CLSTN2: variants seen among roughly 807,000 people sequenced by gnomAD.
CLSTN2 encodes calsyntenin 2, also known as calsyntenin-2.
Under a neutral mutation model 101.2 loss-of-function variants are expected in CLSTN2, and 48 were observed. The observed-to-expected ratio is 0.47, with a 90% CI of 0.38 to 0.60. The LOEUF is 0.60. CLSTN2 is among the 20% of genes least tolerant of loss of function. The pLI is 0.00. For synonymous variants in CLSTN2, 481 were observed against 463.6 expected, an observed-to-expected ratio of 1.04 and a Z score of -0.48; for missense variants, 1,160 against 1,238.2, an observed-to-expected ratio of 0.94 and a Z score of 0.95.
chr3:140,163,419 T>TACACAC (rs60464575), intron 1 of CLSTN2, among the ~76,000 whole-genome samples: 9,497 of 145,078 alleles, frequency 0.065, 1,010 homozygotes, highest in African/African-American at 0.22. Flanking sequence ...TTTCTATCTC[T>TACACAC]ACACACACAC....
At chr3:140,337,079 C>T (rs968149311) in intron 2 of CLSTN2, among the ~76,000 whole-genome samples, 2 of 152,178 alleles carry the variant, frequency 1.3e-5, no homozygotes, top group Non-Finnish European at 2.9e-5. Flanking sequence ...ATCCAGATTT[C>T]AGGAATGTGG....
intron 2 of CLSTN2, among the ~76,000 whole-genome samples, chr3:140,213,806 A>T (rs2010888052): frequency 6.6e-6 from 1 of 152,114 alleles, no homozygotes; most frequent in Non-Finnish European, 1.5e-5. Flanking sequence ...TGGCTTCAGT[A>T]AGATTGGGGC....
intron 8 of CLSTN2, chr3:140,507,376 G>A (rs1352769604): frequency 2.0e-5 from 3 of 152,206 alleles, no homozygotes; most frequent in Non-Finnish European, 4.4e-5. Flanking sequence ...AACCTGAGGG[G>A]TCGGGTTCCA....
intron 1 of CLSTN2, among the ~76,000 whole-genome samples, chr3:140,134,608 G>T (rs752374610): frequency 6.6e-6 from 1 of 152,184 alleles, no homozygotes; most frequent in Non-Finnish European, 1.5e-5. Context: ...TGGACATAGG[G>T]AGTTACCACA....
rs1019236782 is a variant in CLSTN2 at position 140,058,307 on chromosome 3, A to G, written c.110-117644A>G. ...GTGAAATTCTCAAGGGAAAGCCCTCATCTGGCCTAGTAATATTGGAACTGG... is the reference window on the plus strand; with the variant it reads ...GTGAAATTCTCAAGGGAAAGCCCTCGTCTGGCCTAGTAATATTGGAACTGG... On this transcript the variant is annotated intron_variant, in intron 1 of 16. Coordinates refer to ENST00000458420, the MANE Select transcript of CLSTN2 (RefSeq NM_022131.3). Among the ~76,000 whole-genome samples, 6 of 152,280 alleles carry G rather than the reference A, an allele frequency of 3.9e-5. No individual in the cohort carries two copies. The South Asian group carries it at 1.2e-3, about 32-fold the overall frequency.
chr3:140,309,612 G>A (rs2087145859), intron 2 of CLSTN2, among the ~76,000 whole-genome samples: 1 of 152,090 alleles, frequency 6.6e-6, no homozygotes, highest in Non-Finnish European at 1.5e-5. Context: ...CAGCAGACCT[G>A]CTGGGCACAG....
chr3:139,949,008 G>A (rs1262783866), intron 1 of CLSTN2, among the ~76,000 whole-genome samples: 1 of 152,130 alleles, frequency 6.6e-6, no homozygotes, highest in Non-Finnish European at 1.5e-5. Context: ...GCCTGGAGGA[G>A]TTTTCCTGTG....
intron 8 of CLSTN2, among the ~76,000 whole-genome samples, chr3:140,494,275 C>A (rs945722072): frequency 2.0e-5 from 3 of 152,052 alleles, no homozygotes; most frequent in African/African-American, 7.2e-5. Context: ...AAAAGCAAAG[C>A]CCAGTGCAAA....
At chr3:140,505,307 G>T (rs1157363206) in intron 8 of CLSTN2, among the ~76,000 whole-genome samples, 2 of 152,164 alleles carry the variant, frequency 1.3e-5, no homozygotes, top group Non-Finnish European at 2.9e-5. Flanking sequence ...ACCAGAACAA[G>T]ATTGGTCTGG....
At chr3:139,956,461 G>A (rs1935404046) in intron 1 of CLSTN2, among the ~76,000 whole-genome samples, 1 of 152,134 alleles carries the variant, frequency 6.6e-6, no homozygotes, top group African/African-American at 2.4e-5. Context: ...GGCTTGGGTC[G>A]ATGGAGAACA....
chr3:140,402,173 A>G (rs910757762), intron 2 of CLSTN2, among the ~76,000 whole-genome samples: 8 of 152,216 alleles, frequency 5.3e-5, no homozygotes, highest in African/African-American at 1.7e-4. Flanking sequence ...AGATCATGGC[A>G]TGATTCCTAT....
At chr3:140,220,808 T>C (rs1256004548) in intron 2 of CLSTN2, among the ~76,000 whole-genome samples, 20 of 152,224 alleles carry the variant, frequency 1.3e-4, no homozygotes, top group Non-Finnish European at 2.9e-5. Flanking sequence ...GCAGTTTTCA[T>C]GCAGAGAAGG....
Position 140,110,344 on chromosome 3 carries a change from A to G in CLSTN2, c.110-65607A>G, listed in dbSNP as rs2009133578. Among the ~76,000 whole-genome samples, 3 of 152,344 alleles carry G rather than the reference A, an allele frequency of 2.0e-5. No homozygotes were observed. The South Asian group carries it at 6.2e-4, about 32-fold the overall frequency. On this transcript the variant is annotated intron_variant, in intron 1 of 16. Transcript: ENST00000458420. ...TAAAGATCAGGGCATGAACTACTCC[A>G]TAAGAGAAACCTCAGAGCCTATTTT... is the stretch of plus-strand genomic sequence containing the variant.
intron 1 of CLSTN2, among the ~76,000 whole-genome samples, chr3:140,174,064 G>T (rs1206534460): frequency 2.0e-5 from 3 of 152,150 alleles, no homozygotes; most frequent in South Asian, 2.1e-4. Context: ...GCATTGTCAG[G>T]CTGCAAATTT....
chr3:140,291,767 A>C (rs534790820), intron 2 of CLSTN2, among the ~76,000 whole-genome samples: 56 of 151,784 alleles, frequency 3.7e-4, no homozygotes, highest in Admixed American at 3.9e-4. Flanking sequence ...TCACACCTCA[A>C]ATGATTGTCC....
intron 2 of CLSTN2, among the ~76,000 whole-genome samples, chr3:140,212,210 G>A (rs2010864461): frequency 6.6e-6 from 1 of 152,158 alleles, no homozygotes; most frequent in Non-Finnish European, 1.5e-5. Context: ...CGACTATCTG[G>A]TGCATTATGT....
intron 4 of CLSTN2, among the ~76,000 whole-genome samples, chr3:140,416,242 T>C (rs888091421): frequency 6.6e-6 from 1 of 152,140 alleles, no homozygotes; most frequent in Non-Finnish European, 1.5e-5. Flanking sequence ...GATCATAGCA[T>C]ATAAACTTTA....
chr3:140,253,763 G>T lies in CLSTN2; in HGVS notation c.232+77690G>T, dbSNP rs73870716. On this transcript the variant is annotated intron_variant, in intron 2 of 16. Transcript: ENST00000458420. ...AGACAGGAACCCACCAAAGGGTTTC[G>T]GTCTTTTTTATTTTTTTTTTCTCTT... 2.6e-5 allele frequency among the ~76,000 whole-genome samples: 4 copies of T among 151,976 alleles called. No homozygotes were observed. In the East Asian group the frequency reaches 7.7e-4, roughly 29 times the overall value.
intron 1 of CLSTN2, among the ~76,000 whole-genome samples, chr3:140,054,497 G>T (rs1263142486): frequency 6.6e-6 from 1 of 152,156 alleles, no homozygotes; most frequent in Non-Finnish European, 1.5e-5. Flanking sequence ...TCAGTAAGGG[G>T]TGGAGATGAC....
Sources: gnomAD v4.1 joint callset for allele counts (sites outside exome capture counted in the v4.1 genomes callset) on GRCh38, gnomAD v4.1.1 for gene constraint, MANE v1.5 for transcripts, NCBI Gene and HGNC (gene_info 2026-07-23, HGNC 2026-07-21) for gene names.